OIP5: variants seen among roughly 807,000 people sequenced by gnomAD.
OIP5 encodes Opa interacting protein 5.
Under a neutral mutation model 20.3 loss-of-function variants are expected in OIP5, and 24 were observed. The observed-to-expected ratio is 1.18, with a 90% CI of 0.86 to 1.66. The LOEUF (loss-of-function observed/expected upper bound fraction) is 1.66, where lower values mean the gene tolerates loss of function less well. OIP5 is among the 40% of genes most tolerant of loss of function. The pLI, the probability that OIP5 is intolerant of heterozygous loss-of-function variation, is 0.00. For synonymous variants in OIP5, 143 were observed against 121.3 expected, an observed-to-expected ratio of 1.18 and a Z score of -1.17; for missense variants, 339 against 289.5, an observed-to-expected ratio of 1.17 and a Z score of -1.24.
chr15:41,329,368 T>A (rs578103940), intron 2 of OIP5, among the ~76,000 whole-genome samples: 1 of 144,726 alleles, frequency 6.9e-6, no homozygotes, highest in South Asian at 2.2e-4. Flanking sequence ...CAGGCTGGAG[T>A]GTAGTGGTGC....
intron 2 of OIP5, among the ~76,000 whole-genome samples, chr15:41,322,867 G>A (rs1012983797): frequency 2.0e-5 from 3 of 151,884 alleles, no homozygotes; most frequent in Non-Finnish European, 4.4e-5. Flanking sequence ...CCTGGGAGGC[G>A]GAGGTTGCAG....
At chr15:41,329,649 T>C (rs2047884855) in intron 2 of OIP5, among the ~76,000 whole-genome samples, 1 of 151,326 alleles carries the variant, frequency 6.6e-6, no homozygotes, top group South Asian at 2.1e-4. Flanking sequence ...TAAACAAGCA[T>C]TGTCTAATAG....
intron 3 of OIP5, among the ~76,000 whole-genome samples, chr15:41,318,253 C>T (rs2047800609): frequency 6.6e-6 from 1 of 152,204 alleles, no homozygotes; most frequent in South Asian, 2.1e-4. Context: ...ACCTCCGCCT[C>T]CTGGGTTCAA....
chr15:41,319,556 C>CT, intron 3 of OIP5, 102 bp downstream of exon 3: 1 of 1,254,644 alleles, frequency 8.0e-7, no homozygotes. Context: ...GCTCAGCCTA[C>CT]TTTGTCTTTC....
chr15:41,312,627 ATTT>A (rs907153998), intron 4 of OIP5, among the ~76,000 whole-genome samples: 3 of 127,006 alleles, frequency 2.4e-5, no homozygotes, highest in Middle Eastern at 3.6e-3. Flanking sequence ...GACCGGCTAA[ATTT>A]TTTTTTTTTT....
At chr15:41,327,183 A>C (rs1272210514) in intron 2 of OIP5, among the ~76,000 whole-genome samples, 2 of 151,480 alleles carry the variant, frequency 1.3e-5, no homozygotes, top group Non-Finnish European at 2.9e-5. Context: ...GGTATGTTTA[A>C]ATTTTTTTTT....
At chr15:41,320,109 C>G (rs2047813506) in intron 2 of OIP5, among the ~76,000 whole-genome samples, 1 of 152,132 alleles carries the variant, frequency 6.6e-6, no homozygotes, top group African/African-American at 2.4e-5. Context: ...AACTACAAAT[C>G]ATGTAAAATG....
chr15:41,332,407 G>A lies in OIP5; in HGVS notation c.155C>T (p.Pro52Leu), dbSNP rs2047942103. The change falls in exon 1 of 5, where the codon CCC becomes CTC. Residue 52 changes from proline (P) to leucine (L), a missense_variant. Coordinates refer to ENST00000220514, the MANE Select transcript of OIP5 (RefSeq NM_007280.2). ...TGGCTCCTCAGCCCCCAGCCCTGCG[G>A]GGCCGAGCGGCGAGGACCCCTTCAC... ...QVVKGSSPLG[P>L]AGLGAEEPAA... The A allele has an allele frequency of 1.2e-6, 2 of 1,613,936 alleles. No individual in the cohort carries two copies. The highest frequency in any genetic ancestry group is 1.7e-6 in the Non-Finnish European group (2 of 1,179,882).
At chr15:41,314,565 G>T (rs570318682) in intron 3 of OIP5, among the ~76,000 whole-genome samples, 1 of 152,030 alleles carries the variant, frequency 6.6e-6, no homozygotes, top group East Asian at 1.9e-4. Flanking sequence ...ACTTTGGGAG[G>T]CTGAGGCAGG....
chr15:41,325,542 TAA>T (rs537907792), intron 2 of OIP5, among the ~76,000 whole-genome samples: 4 of 140,180 alleles, frequency 2.9e-5, no homozygotes, highest in Admixed American at 7.2e-5. Flanking sequence ...TTCAATTTGT[TAA>T]AAAAAAAAAA....
At chr15:41,320,841 C>G (rs1026590385) in intron 2 of OIP5, among the ~76,000 whole-genome samples, 2 of 150,840 alleles carry the variant, frequency 1.3e-5, no homozygotes, top group Non-Finnish European at 3.0e-5. Context: ...AAGTGAGGAG[C>G]GCCTCTTCCC....
chr15:41,331,800 A>G, intron 2 of OIP5, 115 bp downstream of exon 2: 1 of 832,288 alleles, frequency 1.2e-6, no homozygotes. Context: ...TTCATATAAG[A>G]GTCAAACAGG....
intron 3 of OIP5, among the ~76,000 whole-genome samples, chr15:41,313,837 G>A (rs1234473308): frequency 6.6e-6 from 1 of 152,072 alleles, no homozygotes; most frequent in Non-Finnish European, 1.5e-5. Flanking sequence ...GGTATCTGGT[G>A]AGGTCCTGGA....
At chr15:41,310,499 G>A (rs1186541741) in intron 4 of OIP5, among the ~76,000 whole-genome samples, 2 of 151,950 alleles carry the variant, frequency 1.3e-5, no homozygotes, top group African/African-American at 2.4e-5. Flanking sequence ...GCACGGTGGC[G>A]GGCGCCTGTA....
chr15:41,316,593 A>G (rs2047789844), intron 3 of OIP5, among the ~76,000 whole-genome samples: 1 of 152,020 alleles, frequency 6.6e-6, no homozygotes, highest in African/African-American at 2.4e-5. Flanking sequence ...GATCGAGACC[A>G]TCCTGGCTAA....
intron 3 of OIP5, among the ~76,000 whole-genome samples, 196 bp downstream of exon 3, chr15:41,319,462 C>T (rs970903626): frequency 2.0e-5 from 3 of 152,070 alleles, no homozygotes; most frequent in African/African-American, 7.2e-5. Context: ...ACCATGTTAG[C>T]CAGGCTGGTC....
intron 2 of OIP5, among the ~76,000 whole-genome samples, chr15:41,327,847 C>G (rs2047871853): frequency 6.6e-6 from 1 of 152,030 alleles, no homozygotes; most frequent in Non-Finnish European, 1.5e-5. Context: ...GTGGCTCATG[C>G]TTGTAATGCC....
chr15:41,332,170 C>A (rs754013109), intron 1 of OIP5, 70 bp downstream of exon 1: 45 of 1,474,272 alleles, frequency 3.1e-5, no homozygotes, highest in Middle Eastern at 1.8e-4. Context: ...TTCTCCGCCA[C>A]CCGGTGGAGA....
intron 3 of OIP5, among the ~76,000 whole-genome samples, chr15:41,315,472 C>A (rs1467022883): frequency 6.6e-6 from 1 of 151,546 alleles, no homozygotes; most frequent in East Asian, 1.9e-4. Flanking sequence ...GGGGAATTTT[C>A]TTGTGTTCCC....
Sources: gnomAD v4.1 joint callset for allele counts (sites outside exome capture counted in the v4.1 genomes callset) on GRCh38, gnomAD v4.1.1 for gene constraint, MANE v1.5 for transcripts, NCBI Gene and HGNC (gene_info 2026-07-23, HGNC 2026-07-21) for gene names.